The following CNTNAP5 variants were observed in gnomAD, a reference collection of about 807,000 sequenced individuals.
CNTNAP5 encodes contactin associated protein family member 5.
A neutral mutation model predicts 150.2 loss-of-function variants in CNTNAP5; 72 were observed. That is an observed-to-expected ratio of 0.48 (90% CI 0.40 to 0.58). CNTNAP5 has a LOEUF of 0.58. Among genes scored for constraint, CNTNAP5 ranks in the 20% least tolerant of loss-of-function variants. The pLI is 0.00. For synonymous variants in CNTNAP5, 672 were observed against 619.8 expected, an observed-to-expected ratio of 1.08 and a Z score of -1.25; for missense variants, 1,636 against 1,626.2, an observed-to-expected ratio of 1.01 and a Z score of -0.10.
intron 1 of CNTNAP5, among the ~76,000 whole-genome samples, chr2:124,114,606 A>G (rs996279590): frequency 4.0e-5 from 6 of 151,780 alleles, no homozygotes; most frequent in African/African-American, 1.4e-4. Context: ...TAATATTTAA[A>G]TCATTATCTT....
At chr2:124,806,345 C>T (rs894234477) in intron 19 of CNTNAP5, among the ~76,000 whole-genome samples, 7 of 152,096 alleles carry the variant, frequency 4.6e-5, no homozygotes, top group African/African-American at 1.7e-4. Context: ...GGGGGTAGCT[C>T]TTCCTGGTGC....
At chr2:124,557,397 C>T (rs1444525632) in intron 10 of CNTNAP5, among the ~76,000 whole-genome samples, 1 of 152,030 alleles carries the variant, frequency 6.6e-6, no homozygotes, top group East Asian at 1.9e-4. Flanking sequence ...TTGTGCTGCT[C>T]AAGAGCGTGC....
intron 8 of CNTNAP5, among the ~76,000 whole-genome samples, chr2:124,506,562 C>T (rs1023753446): frequency 6.6e-6 from 1 of 152,052 alleles, no homozygotes. Context: ...CCCACTGAAC[C>T]CCTGAGCATA....
At chr2:124,759,288 A>G (rs1045219712) in intron 14 of CNTNAP5, among the ~76,000 whole-genome samples, 1 of 150,264 alleles carries the variant, frequency 6.7e-6, no homozygotes, top group Non-Finnish European at 1.5e-5. Context: ...TGCTTCCTGA[A>G]TAAGACCAAA....
chr2:124,767,265 G>T (rs2104604680), intron 16 of CNTNAP5, among the ~76,000 whole-genome samples: 1 of 152,226 alleles, frequency 6.6e-6, no homozygotes, highest in Middle Eastern at 3.4e-3. Flanking sequence ...ATTGGACAGG[G>T]AACAGTAGAT....
Position 124,772,860 on chromosome 2 carries a change from G to C in CNTNAP5, c.2595G>C (p.Gln865His), listed in dbSNP as rs1304910388. ...ATGGTCCTGTGGAGCTTGTAGTCCA[G>C]TCTCCTTCTCTTCTGAATGACAACC... is the stretch of plus-strand genomic sequence containing the variant. Reference protein sequence around the residue: ...VGNGPVELVVQSPSLLNDNQW... With the variant: ...VGNGPVELVVHSPSLLNDNQW... Residue 865 changes from glutamine to histidine, a missense_variant, in exon 17 of 24, where the codon CAG becomes CAC. Physicochemically the swap from Gln to His is conservative, Grantham distance 24 (BLOSUM62 0). Coordinates refer to ENST00000682447, the MANE Select transcript of CNTNAP5 (RefSeq NM_001367498.1). 1.2e-6 allele frequency: 2 copies of C among 1,613,598 alleles called. No individual in the cohort carries two copies. The highest frequency in any genetic ancestry group is 1.7e-5 in the Admixed American group (1 of 59,988).
intron 1 of CNTNAP5, among the ~76,000 whole-genome samples, chr2:124,071,867 TAA>T (rs964703059): frequency 2.0e-5 from 3 of 151,872 alleles, no homozygotes; most frequent in Admixed American, 2.0e-4. Flanking sequence ...AAATTAATTC[TAA>T]GAGGCCAATT....
chr2:124,163,410 CAGAG>C (rs531092176), intron 1 of CNTNAP5, among the ~76,000 whole-genome samples: 2 of 152,246 alleles, frequency 1.3e-5, no homozygotes, highest in Middle Eastern at 3.4e-3. Context: ...TACCTACTGA[CAGAG>C]AGTTTTCATT....
chr2:124,485,112 CA>C (rs36059918), intron 7 of CNTNAP5, among the ~76,000 whole-genome samples: 147,946 of 151,470 alleles, frequency 0.98, 72,317 homozygotes, highest in East Asian at 1. Flanking sequence ...TTAGAAAATG[CA>C]AAAAAAAAAT....
rs371252986 is a variant in CNTNAP5, at chr2:124,242,183, C to G, written c.188-17C>G. On this transcript the variant is annotated splice_polypyrimidine_tract_variant and intron_variant, in intron 2 of 23. Coordinates refer to ENST00000682447, the MANE Select transcript of CNTNAP5 (RefSeq NM_001367498.1). ...CATTACTACAACTCTCTCTCACTCTCTCTGATCCTGTTCCAGGAACTGGCG... is the reference window on the plus strand; with the variant it reads ...CATTACTACAACTCTCTCTCACTCTGTCTGATCCTGTTCCAGGAACTGGCG... 2 of 1,566,664 alleles carry G rather than the reference C, an allele frequency of 1.3e-6. No individual in the cohort carries two copies. Among genetic ancestry groups the G allele is most frequent in the Non-Finnish European group, 1.7e-6 (2 of 1,154,000 alleles).
chr2:124,594,494 A>G (rs1696775087), intron 11 of CNTNAP5, among the ~76,000 whole-genome samples: 1 of 151,562 alleles, frequency 6.6e-6, no homozygotes, highest in Non-Finnish European at 1.5e-5. Context: ...CCATTGATCT[A>G]TATCTCTGTT....
intron 1 of CNTNAP5, among the ~76,000 whole-genome samples, chr2:124,199,996 C>T (rs1685681370): frequency 6.6e-6 from 1 of 152,156 alleles, no homozygotes; most frequent in Non-Finnish European, 1.5e-5. Flanking sequence ...GCTCGGACCT[C>T]ATTTGCAATG....
intron 13 of CNTNAP5, among the ~76,000 whole-genome samples, chr2:124,714,045 C>T (rs918998987): frequency 5.9e-5 from 9 of 152,008 alleles, no homozygotes; most frequent in African/African-American, 2.2e-4. Flanking sequence ...CTTTTTTTCC[C>T]CCCAAACATA....
At chr2:124,883,373 A>G (rs1678008953) in intron 21 of CNTNAP5, among the ~76,000 whole-genome samples, 1 of 151,896 alleles carries the variant, frequency 6.6e-6, no homozygotes, top group South Asian at 2.1e-4. Context: ...GTATGTGCCA[A>G]TTCTAACAAG....
At chr2:124,047,286 G>C (rs980107428) in intron 1 of CNTNAP5, among the ~76,000 whole-genome samples, 1 of 152,194 alleles carries the variant, frequency 6.6e-6, no homozygotes, top group African/African-American at 2.4e-5. Flanking sequence ...GTCCACTCAG[G>C]GAGACTGCCT....
At chr2:124,457,607 A>C (rs1354317593) in intron 6 of CNTNAP5, among the ~76,000 whole-genome samples, 2 of 152,162 alleles carry the variant, frequency 1.3e-5, no homozygotes, top group Non-Finnish European at 2.9e-5. Flanking sequence ...TTACATAGGT[A>C]AACGTGTGCC....
intron 3 of CNTNAP5, among the ~76,000 whole-genome samples, chr2:124,361,410 C>G (rs1690193325): frequency 7.0e-6 from 1 of 143,670 alleles, no homozygotes; most frequent in South Asian, 2.2e-4. Context: ...TCCAGATTTT[C>G]TGTTCTGTTT....
At chr2:124,739,120 G>A (rs767915662) in intron 13 of CNTNAP5, among the ~76,000 whole-genome samples, 2 of 151,986 alleles carry the variant, frequency 1.3e-5, no homozygotes, top group East Asian at 1.9e-4. Flanking sequence ...TTTGAGAGGC[G>A]GTACCATTAA....
intron 1 of CNTNAP5, among the ~76,000 whole-genome samples, chr2:124,108,146 G>A (rs77015996): frequency 0.085 from 12,906 of 152,190 alleles, 732 homozygotes; most frequent in Non-Finnish European, 0.13. Flanking sequence ...GGTTTACATT[G>A]CCAGGGTGAA....
Sources: gnomAD v4.1 joint callset for allele counts (sites outside exome capture counted in the v4.1 genomes callset) on GRCh38, gnomAD v4.1.1 for gene constraint, MANE v1.5 for transcripts, NCBI Gene and HGNC (gene_info 2026-07-23, HGNC 2026-07-21) for gene names.